The following CACNB2 variants were observed in gnomAD, a reference collection of about 807,000 sequenced individuals.
CACNB2 encodes calcium voltage-gated channel auxiliary subunit beta 2.
In CACNB2, 42 loss-of-function variants were observed where a neutral mutation model predicts 73.3. That is an observed-to-expected ratio of 0.57 (90% CI 0.45 to 0.74). The LOEUF is 0.74. Ranked by LOEUF, CACNB2 falls within the 30% of genes least tolerant of loss-of-function variation. The probability of loss-of-function intolerance (pLI) is 0.00; values close to 1 mark genes in which losing one functional copy is unlikely to be tolerated. For missense variants in CACNB2, 940 were observed against 853.0 expected (o/e 1.10, Z -1.27); for synonymous variants, 348 against 310.3 (o/e 1.12, Z -1.28).
chr10:18,260,775 C>T (rs563635989), intron 2 of CACNB2: 2 of 1,004,260 alleles, frequency 2.0e-6, no homozygotes, highest in Admixed American at 5.3e-5. Flanking sequence ...GGAACAGCAG[C>T]GTGCTAAGAA....
chr10:18,286,663 T>G (rs1011195866), intron 2 of CACNB2, among the ~76,000 whole-genome samples: 1 of 152,126 alleles, frequency 6.6e-6, no homozygotes, highest in African/African-American at 2.4e-5. Flanking sequence ...CAATTCTCTA[T>G]GAATAATTCA....
At chr10:18,471,680 G>T (rs2048195857) in intron 3 of CACNB2, among the ~76,000 whole-genome samples, 1 of 152,118 alleles carries the variant, frequency 6.6e-6, no homozygotes, top group African/African-American at 2.4e-5. Flanking sequence ...TGTAACTATG[G>T]CCTGCCATCT....
chr10:18,382,593 T>G (rs958665233), intron 2 of CACNB2, among the ~76,000 whole-genome samples: 4 of 152,136 alleles, frequency 2.6e-5, no homozygotes, highest in African/African-American at 9.7e-5. Flanking sequence ...CCTGTGTCCG[T>G]GTGTTCTCAT....
rs183454226 is a variant in CACNB2, at chr10:18,250,008, T to A, written c.213+99033T>A. Among the ~76,000 whole-genome samples the A allele has an allele frequency of 1.8e-3, 278 of 152,286 alleles. 3 individuals are homozygous for A. Among genetic ancestry groups the A allele is most frequent in the Non-Finnish European group, 3.5e-4 (24 of 68,012 alleles). On this transcript the variant is annotated intron_variant, in intron 2 of 13. Transcript: ENST00000324631. The stretch of plus-strand genomic sequence containing the variant: ...GCTTCCAACTGGACTCATTCTTGGA[T>A]TCTTTCTCTCCAATAAGACATCAAT...
chr10:18,317,950 C>T (rs769908079), intron 2 of CACNB2, among the ~76,000 whole-genome samples: 8 of 152,078 alleles, frequency 5.3e-5, no homozygotes, highest in African/African-American at 1.2e-4. Flanking sequence ...AGGAGAACTA[C>T]GAACCACTGC....
intron 2 of CACNB2, among the ~76,000 whole-genome samples, chr10:18,243,218 T>C (rs1300945069): frequency 6.6e-6 from 1 of 152,186 alleles, no homozygotes; most frequent in African/African-American, 2.4e-5. Flanking sequence ...CCCTAAATTT[T>C]AACAGCATTC....
rs1466998251 is a variant in CACNB2 at position 18,539,867 on chromosome 10, T to C, written c.*143T>C. ...TTTTGTATTATTGCTGTTGCTTGAA[T>C]AGCAATAGCATGGATAGAGTATTGA... On this transcript the variant is annotated 3_prime_UTR_variant, in exon 14 of 14. Transcript: ENST00000324631. 2 of 861,792 alleles carry C rather than the reference T, an allele frequency of 2.3e-6. No homozygotes were observed. Among genetic ancestry groups the C allele is most frequent in the Admixed American group, 5.5e-5 (2 of 36,552 alleles). 53.4% of individuals were successfully genotyped at this position (861,792 alleles called of 1,614,324 possible). A position where few individuals can be genotyped will look rare whatever the true frequency, so the allele number is the denominator to read the frequency against.
chr10:18,329,935 G>A (rs2040735594), intron 2 of CACNB2, among the ~76,000 whole-genome samples: 1 of 152,028 alleles, frequency 6.6e-6, no homozygotes, highest in South Asian at 2.1e-4. Context: ...CCACTTCCTG[G>A]TTTCAAGCGA....
intron 3 of CACNB2, among the ~76,000 whole-genome samples, chr10:18,464,964 G>A (rs146025695): frequency 0.015 from 2,251 of 152,334 alleles, 31 homozygotes; most frequent in Middle Eastern, 0.045. Context: ...GCTTTGAACA[G>A]GTGACTTCGT....
chr10:18,341,236 GCAGA>G (rs1176220711), intron 2 of CACNB2, among the ~76,000 whole-genome samples: 1 of 152,134 alleles, frequency 6.6e-6, no homozygotes, highest in African/African-American at 2.4e-5. Flanking sequence ...GAGTCCCGGT[GCAGA>G]CAAATTTAGT....
chr10:18,341,107 C>G lies in CACNB2; in HGVS notation c.214-60817C>G, dbSNP rs920909992. ...TAACTTTTTAGACTTTCTTATCTTG[C>G]CAGAAATGTTGCCATTCACAGTGTT... On this transcript the variant is annotated intron_variant, in intron 2 of 13. Transcript: ENST00000324631. The G allele has an allele frequency of 1.3e-5, 12 of 951,328 alleles. No homozygotes were observed. The African/African-American group carries it at 1.8e-4, about 14-fold the overall frequency. 58.9% of individuals were successfully genotyped at this position (951,328 alleles called of 1,614,324 possible).
intron 2 of CACNB2, among the ~76,000 whole-genome samples, chr10:18,263,161 A>G (rs542459454): frequency 7.4e-4 from 112 of 152,294 alleles, no homozygotes; most frequent in African/African-American, 2.5e-3. Flanking sequence ...TATGGATTGC[A>G]GTTTTCTTTA....
intron 1 of CACNB2, among the ~76,000 whole-genome samples, chr10:18,142,059 G>A (rs1280542953): frequency 6.6e-6 from 1 of 152,176 alleles, no homozygotes; most frequent in Non-Finnish European, 1.5e-5. Flanking sequence ...AATAAAGGTG[G>A]CAAATGTTTT....
chr10:18,411,922 A>G (rs1203034345), intron 3 of CACNB2, among the ~76,000 whole-genome samples: 1 of 152,214 alleles, frequency 6.6e-6, no homozygotes, highest in African/African-American at 2.4e-5. Context: ...CAAAACAAAC[A>G]GATCTCAGCC....
intron 3 of CACNB2, among the ~76,000 whole-genome samples, chr10:18,475,716 G>A (rs990297778): frequency 7.9e-5 from 12 of 152,154 alleles, no homozygotes; most frequent in African/African-American, 2.9e-4. Context: ...TTCGTATAAT[G>A]ACAGTTACCT....
rs114466910 is a variant in CACNB2 at position 18,537,498 on chromosome 10, C to T, written c.1303-682C>T. Among the ~76,000 whole-genome samples, 527 of 151,882 alleles carry T rather than the reference C, an allele frequency of 3.5e-3. 6 individuals carry two copies. The highest frequency in any genetic ancestry group is 0.012 in the African/African-American group (488 of 41,418). On this transcript the variant is annotated intron_variant, in intron 12 of 13. Coordinates refer to ENST00000324631, the MANE Select transcript of CACNB2 (RefSeq NM_201596.3). ...AAATTCAGATTTCATAATCTTGGGC[C>T]GGGCATGGTGGCTCATACCTGTAAT...
At chr10:18,537,881 T>C (rs1054740423) in intron 12 of CACNB2, among the ~76,000 whole-genome samples, 30 of 152,338 alleles carry the variant, frequency 2.0e-4, no homozygotes, top group Admixed American at 1.0e-3. Flanking sequence ...TTTTCTACCA[T>C]AGTATCTATG....
chr10:18,195,830 T>C (rs2034601023), intron 2 of CACNB2, among the ~76,000 whole-genome samples: 1 of 152,250 alleles, frequency 6.6e-6, no homozygotes, highest in Admixed American at 6.5e-5. Context: ...TTCTGTGTAA[T>C]GTCTATGAAC....
intron 8 of CACNB2, 43 bp downstream of exon 8, chr10:18,518,459 ACTTCTTTGTGATGCTG>A (rs1564643485): frequency 7.5e-7 from 1 of 1,326,720 alleles, no homozygotes; most frequent in Non-Finnish European, 1.1e-6. Flanking sequence ...TGCATGCTGA[ACTTCTTTGTGATGCTG>A]CCTCCTACTC....
Sources: gnomAD v4.1 joint callset for allele counts (sites outside exome capture counted in the v4.1 genomes callset) on GRCh38, gnomAD v4.1.1 for gene constraint, MANE v1.5 for transcripts, NCBI Gene and HGNC (gene_info 2026-07-23, HGNC 2026-07-21) for gene names.